The following ECE1 variants were observed in gnomAD, a reference collection of about 807,000 sequenced individuals.
ECE1 encodes endothelin-converting enzyme 1.
In ECE1, 35 loss-of-function variants were observed where a neutral mutation model predicts 98.6. The observed-to-expected ratio is 0.35, with a 90% CI of 0.27 to 0.47. The LOEUF is 0.47. Among genes scored for constraint, ECE1 ranks in the 20% least tolerant of loss-of-function variants. ECE1 has a pLI of 1.00. For synonymous variants in ECE1, 394 were observed against 407.1 expected (o/e 0.97, Z 0.39); for missense variants, 814 against 1,025.3 (o/e 0.79, Z 2.81).
In ECE1 at chr1:21,235,826, G is replaced by C. The variant is rs762154110; in HGVS notation, c.1566+24C>G. The C allele has an allele frequency of 1.9e-6, 3 of 1,613,198 alleles. No individual in the cohort carries two copies. The Admixed American group carries it at 5.0e-5, about 27-fold the overall frequency. ...TCTAAGGGGGCATTTAGGAACGCAAGGGGGCAGGGCAGCAGCTACTCACGT... is the reference window on the plus strand; with the variant it reads ...TCTAAGGGGGCATTTAGGAACGCAACGGGGCAGGGCAGCAGCTACTCACGT... On this transcript the variant is annotated intron_variant, in intron 13 of 18. Coordinates refer to ENST00000374893, the MANE Select transcript of ECE1 (RefSeq NM_001397.3). The surrounding 1 kb of genome is among the most constrained non-coding windows in gnomAD (Gnocchi z 4.2).
chr1:21,225,178 G>A lies in ECE1; in HGVS notation c.2040+72C>T. 7 of 1,574,356 alleles carry A rather than the reference G, an allele frequency of 4.4e-6. No homozygotes were observed. The highest frequency in any genetic ancestry group is 6.1e-6 in the Non-Finnish European group (7 of 1,152,666). On this transcript the variant is annotated intron_variant, in intron 17 of 18. Coordinates refer to ENST00000374893, the MANE Select transcript of ECE1 (RefSeq NM_001397.3). The surrounding 1 kb of genome is among the most constrained non-coding windows in gnomAD (Gnocchi z 5.3). ...TGCGCCTGCCCTGGTTGTCCGTGATGATCCTCTACGGACAGGCATCTGGAA... is the reference window on the plus strand; with the variant it reads ...TGCGCCTGCCCTGGTTGTCCGTGATAATCCTCTACGGACAGGCATCTGGAA...
chr1:21,305,326 GCTTGACAGAGAGCAGGT>G (rs1171730649), intron 1 of ECE1, among the ~76,000 whole-genome samples: 1 of 152,194 alleles, frequency 6.6e-6, no homozygotes, highest in East Asian at 1.9e-4. Context: ...GCTGTGCAGT[GCTTGACAGAGAGCAGGT>G]ACTCAGGAAA....
At chr1:21,230,245 T>G (rs1234946358) in intron 14 of ECE1, among the ~76,000 whole-genome samples, 4 of 152,124 alleles carry the variant, frequency 2.6e-5, no homozygotes, top group Non-Finnish European at 5.9e-5. Context: ...GATTCCATAG[T>G]GCAATTAACC....
chr1:21,219,888 G>C lies in ECE1; in HGVS notation c.*67C>G. On this transcript the variant is annotated 3_prime_UTR_variant, in exon 19 of 19. Coordinates refer to ENST00000374893, the MANE Select transcript of ECE1 (RefSeq NM_001397.3). This position sits in a 1 kb window ranked among gnomAD's most constrained non-coding sequence, Gnocchi z 4.5. ...GCCAAGCGGGCTGAGCAATGCCCTG[G>C]AGGCTGGATGGGGGTCTCGTCCTCA... 6.2e-7 allele frequency: 1 copy of C among 1,600,648 alleles called. No homozygotes were observed. Among genetic ancestry groups the C allele is most frequent in the Non-Finnish European group, 8.5e-7 (1 of 1,172,558 alleles).
At chr1:21,279,397 A>G in intron 2 of ECE1, 65 bp from the exon 3 acceptor site, 1 of 1,612,678 alleles carries the variant, frequency 6.2e-7, no homozygotes, top group Non-Finnish European at 8.5e-7. Flanking sequence ...CCCTTGGAGG[A>G]AGGGGTTCCG....
At chr1:21,309,785 T>TC (rs1306162018) in intron 1 of ECE1, among the ~76,000 whole-genome samples, 28 of 149,726 alleles carry the variant, frequency 1.9e-4, no homozygotes, top group Non-Finnish European at 2.2e-4. Context: ...TTTCTTTCTT[T>TC]TTTTTTTTTT....
chr1:21,270,188 T>C (rs573319425), intron 4 of ECE1, among the ~76,000 whole-genome samples: 1 of 152,354 alleles, frequency 6.6e-6, no homozygotes, highest in Non-Finnish European at 1.5e-5. Context: ...TGGTGGTATA[T>C]CCTTGACAAA....
intron 1 of ECE1, among the ~76,000 whole-genome samples, chr1:21,296,063 G>A (rs1638343931): frequency 6.6e-6 from 1 of 152,036 alleles, no homozygotes; most frequent in South Asian, 2.1e-4. Context: ...CCTCCCATTT[G>A]CTTCTGCCCT....
At chr1:21,267,156 G>A (rs2098234905) in intron 4 of ECE1, 1 of 152,280 alleles carries the variant, frequency 6.6e-6, no homozygotes, top group Non-Finnish European at 1.5e-5. Context: ...GAAGCAGAGA[G>A]CAACCCTTAA....
At chr1:21,262,975 C>T (rs1182848816) in intron 4 of ECE1, among the ~76,000 whole-genome samples, 5 of 152,186 alleles carry the variant, frequency 3.3e-5, no homozygotes, top group Admixed American at 6.5e-5. Context: ...GTGAGGCAAA[C>T]GGCAGCCAAG....
rs1353740507 is a variant in ECE1, at chr1:21,233,502, G to A, written c.1670+56C>T. 6.5e-7 allele frequency: 1 copy of A among 1,549,792 alleles called. No individual in the cohort carries two copies. Among genetic ancestry groups the A allele is most frequent in the African/African-American group, 1.4e-5 (1 of 73,098 alleles). Reference sequence around the variant, plus strand: ...TGCAATGAAGGCCAGTTCGTCCCAAGGCTTGCCCACAGGTGGGGAGCTGGC... The same window carrying A: ...TGCAATGAAGGCCAGTTCGTCCCAAAGCTTGCCCACAGGTGGGGAGCTGGC... On this transcript the variant is annotated intron_variant, in intron 14 of 18. Transcript: ENST00000374893. This position sits in a 1 kb window ranked among gnomAD's most constrained non-coding sequence, Gnocchi z 4.0.
chr1:21,255,820 C>A, intron 8 of ECE1, 127 bp downstream of exon 8: 1 of 1,089,366 alleles, frequency 9.2e-7, no homozygotes, highest in South Asian at 1.4e-5. Flanking sequence ...CTGGGCATAA[C>A]AACCATCCTT....
chr1:21,248,227 G>A (rs371052527), intron 8 of ECE1, among the ~76,000 whole-genome samples: 15 of 151,698 alleles, frequency 9.9e-5, no homozygotes, highest in African/African-American at 3.4e-4. Context: ...CTGGAGTGCA[G>A]TGGTGCCATC....
intron 14 of ECE1, among the ~76,000 whole-genome samples, chr1:21,228,578 G>A (rs1170016124): frequency 2.0e-5 from 3 of 151,918 alleles, no homozygotes; most frequent in Non-Finnish European, 4.4e-5. Context: ...TTGAGGCCAG[G>A]AGTTCAAGAC....
chr1:21,326,514 T>G (rs1639081482), intron 1 of ECE1, among the ~76,000 whole-genome samples: 2 of 150,670 alleles, frequency 1.3e-5, no homozygotes, highest in South Asian at 4.2e-4. Flanking sequence ...TAGAACCTAG[T>G]GAGAAAAAAG....
intron 3 of ECE1, among the ~76,000 whole-genome samples, chr1:21,273,636 A>T (rs1441727988): frequency 6.6e-6 from 1 of 152,192 alleles, no homozygotes; most frequent in African/African-American, 2.4e-5. Flanking sequence ...ACGTACAAGC[A>T]GGAGAGTGAG....
rs1346963480 is a variant in ECE1 at position 21,225,181 on chromosome 1, C to T, written c.2040+69G>A. 1.9e-6 allele frequency: 3 copies of T among 1,573,944 alleles called. No individual in the cohort carries two copies. The African/African-American group carries it at 4.0e-5, about 21-fold the overall frequency. On this transcript the variant is annotated intron_variant, in intron 17 of 18. Transcript: ENST00000374893. The surrounding 1 kb of genome is among the most constrained non-coding windows in gnomAD (Gnocchi z 5.3). ...GCCTGCCCTGGTTGTCCGTGATGAT[C>T]CTCTACGGACAGGCATCTGGAAGGA...
chr1:21,290,439 G>A lies in ECE1; in HGVS notation c.-25C>T, dbSNP rs142246501. The A allele has an allele frequency of 2.5e-6, 3 of 1,222,174 alleles. No individual in the cohort carries two copies. Among genetic ancestry groups the A allele is most frequent in the Admixed American group, 4.3e-5 (1 of 23,278 alleles). 75.7% of individuals were successfully genotyped at this position (1,222,174 alleles called of 1,614,324 possible). A position where few individuals can be genotyped will look rare whatever the true frequency, so the allele number is the denominator to read the frequency against. ...TGCTGTGCCCCAGACGCCTGGTCCC[G>A]CTGCCCGGGTGGCCGGGATGGGATG... On this transcript the variant is annotated 5_prime_UTR_variant, in exon 1 of 19. Transcript: ENST00000374893. The surrounding 1 kb of genome is among the most constrained non-coding windows in gnomAD (Gnocchi z 7.3).
chr1:21,239,159 C>G (rs1251326594), intron 10 of ECE1, among the ~76,000 whole-genome samples: 3 of 152,126 alleles, frequency 2.0e-5, no homozygotes, highest in Non-Finnish European at 4.4e-5. Flanking sequence ...TGCCTTGATT[C>G]TTTCTTGGTC....
Sources: gnomAD v4.1 joint callset for allele counts (sites outside exome capture counted in the v4.1 genomes callset) on GRCh38, gnomAD v4.1.1 for gene constraint, Gnocchi (gnomAD v3.1) non-coding constraint, MANE v1.5 for transcripts, NCBI Gene and HGNC (gene_info 2026-07-23, HGNC 2026-07-21) for gene names.